The following IGSF5 variants were observed in gnomAD, a reference collection of about 807,000 sequenced individuals.
The protein encoded by IGSF5 is immunoglobulin superfamily 5 like.
Under a neutral mutation model 39.4 loss-of-function variants are expected in IGSF5, and 41 were observed. The ratio of observed to expected loss-of-function variants is 1.04; its 90% CI spans 0.81 to 1.35. IGSF5 has a LOEUF of 1.35. Ranked by LOEUF, IGSF5 falls within the 40% of genes most tolerant of loss-of-function variation. IGSF5 has a pLI of 0.00. For synonymous variants in IGSF5, 183 were observed against 175.3 expected (o/e 1.04, Z -0.34); for missense variants, 487 against 494.6 (o/e 0.98, Z 0.15).
At chr21:39,785,559 T>C (rs2080196374) in intron 5 of IGSF5, among the ~76,000 whole-genome samples, 1 of 152,200 alleles carries the variant, frequency 6.6e-6, no homozygotes, top group African/African-American at 2.4e-5. Context: ...TGGTTCCATA[T>C]GAACTTTAAA....
intron 4 of IGSF5, among the ~76,000 whole-genome samples, chr21:39,778,126 G>T (rs755002932): frequency 6.6e-6 from 1 of 152,258 alleles, no homozygotes; most frequent in Admixed American, 6.5e-5. Context: ...AGCGTGGTGC[G>T]CTAGGGAGAA....
Position 39,763,838 on chromosome 21 carries a change from C to A in IGSF5, c.101-1697C>A, listed in dbSNP as rs139984986. 1.1e-4 allele frequency among the ~76,000 whole-genome samples: 16 copies of A among 152,314 alleles called. No individual in the cohort carries two copies. The East Asian group carries it at 3.1e-3, about 29-fold the overall frequency. ...AGCAATTCAGAGTTCATGGAAAGGG[C>A]ATTGCGGCTTCCCTGGGGGAACTGT... On this transcript the variant is annotated intron_variant, in intron 2 of 8. Transcript: ENST00000380588.
intron 8 of IGSF5, 50 bp from the exon 9 acceptor site, chr21:39,801,212 T>C (rs779736785): frequency 7.3e-7 from 1 of 1,363,066 alleles, no homozygotes; most frequent in South Asian, 1.2e-5. Flanking sequence ...GTTTGCATTT[T>C]ACAGTGATCT....
the IGSF5 span, chr21:39,729,359 G>A: frequency 1.3e-5 from 2 of 152,278 alleles, no homozygotes; most frequent in Non-Finnish European, 2.9e-5. Context: ...TAGATTCAAG[G>A]GGTGAGGTGA....
At chr21:39,784,698 A>C (rs560016821) in intron 5 of IGSF5, among the ~76,000 whole-genome samples, 1 of 143,828 alleles carries the variant, frequency 7.0e-6, no homozygotes, top group Non-Finnish European at 1.5e-5. Flanking sequence ...TTGCCCCACC[A>C]GGTGTGATTC....
chr21:39,792,488 A>G (rs899585763), intron 7 of IGSF5, among the ~76,000 whole-genome samples: 5 of 152,272 alleles, frequency 3.3e-5, no homozygotes, highest in Admixed American at 2.0e-4. Context: ...TGTAACAAAC[A>G]TGCACGTTGT....
intron 8 of IGSF5, among the ~76,000 whole-genome samples, chr21:39,795,385 G>A (rs2086989992): frequency 6.6e-6 from 1 of 152,066 alleles, no homozygotes; most frequent in Admixed American, 6.6e-5. Flanking sequence ...GCACATTTAA[G>A]CCAACCATGA....
At chr21:39,763,369 A>G (rs1316494960) in intron 2 of IGSF5, among the ~76,000 whole-genome samples, 3 of 152,184 alleles carry the variant, frequency 2.0e-5, no homozygotes, top group Non-Finnish European at 4.4e-5. Context: ...GTTGGTGTTT[A>G]GGGTTGGATG....
At chr21:39,758,841 T>G (rs1031282614) in intron 2 of IGSF5, among the ~76,000 whole-genome samples, 4 of 152,204 alleles carry the variant, frequency 2.6e-5, no homozygotes, top group African/African-American at 2.4e-5. Flanking sequence ...GATTATAAAC[T>G]CCTCTTGCAT....
chr21:39,755,563 G>T (rs535075851), intron 2 of IGSF5, among the ~76,000 whole-genome samples: 1 of 150,410 alleles, frequency 6.6e-6, no homozygotes, highest in East Asian at 2.0e-4. Flanking sequence ...CTCCAGACTG[G>T]GTGACAGAGC....
chr21:39,749,884 T>A (rs1015725550), intron 2 of IGSF5, among the ~76,000 whole-genome samples: 2 of 152,200 alleles, frequency 1.3e-5, no homozygotes, highest in Non-Finnish European at 2.9e-5. Flanking sequence ...AGATACACAT[T>A]TGTCTCAGGT....
chr21:39,800,411 A>G (rs2087022081), intron 8 of IGSF5, among the ~76,000 whole-genome samples: 1 of 152,238 alleles, frequency 6.6e-6, no homozygotes. Context: ...CGATGTTTGC[A>G]CAACCCAGCA....
At chr21:39,725,455 T>C in the IGSF5 span, among the ~76,000 whole-genome samples, 47,385 of 152,142 alleles carry the variant, frequency 0.31, 8,285 homozygotes, top group Middle Eastern at 0.54. Context: ...TTATCAGCAT[T>C]TGAAAGCAGC....
chr21:39,746,402 G>A (rs1439077327), intron 2 of IGSF5, 104 bp downstream of exon 2: 1 of 603,850 alleles, frequency 1.7e-6, no homozygotes. Flanking sequence ...CCCATACAAA[G>A]GGAGGGGTCC....
At chr21:39,765,511 C>G (rs781516691) in intron 2 of IGSF5, 24 bp from the exon 3 acceptor site, 7 of 1,599,798 alleles carry the variant, frequency 4.4e-6, no homozygotes, top group Non-Finnish European at 6.0e-6. Context: ...CATTTAACAA[C>G]TTGAAAAATT....
At chr21:39,716,547 G>A in the IGSF5 span, among the ~76,000 whole-genome samples, 1 of 152,032 alleles carries the variant, frequency 6.6e-6, no homozygotes, top group Admixed American at 6.6e-5. Flanking sequence ...CCTTCTTTGT[G>A]TTCGTAAGTT....
upstream of IGSF5, among the ~76,000 whole-genome samples, chr21:39,742,925 T>C (rs1238983446): frequency 6.6e-6 from 1 of 152,206 alleles, no homozygotes; most frequent in African/African-American, 2.4e-5. Flanking sequence ...TGTCTGCAGC[T>C]GACTGAGTGA....
chr21:39,725,021 C>T, the IGSF5 span, among the ~76,000 whole-genome samples: 2 of 152,214 alleles, frequency 1.3e-5, no homozygotes, highest in South Asian at 2.1e-4. Context: ...ACCTATTTGC[C>T]ATCTCATCGT....
rs757572469 is a variant in IGSF5 at position 39,765,689 on chromosome 21, G to A, written c.255G>A (p.Glu85=). 3.7e-6 allele frequency: 6 copies of A among 1,614,108 alleles called. No homozygotes were observed. In the African/African-American group the frequency reaches 4.0e-5, roughly 11 times the overall value. ...TGGTGCTAAGCGTCAGGCCCATGGA[G>A]CCCATCATCACCAATGACCGCTTCA... ...DMVVLSVRPM[E]PIITNDRFTS... Residue 85 remains glutamate (E), a synonymous_variant, in exon 3 of 9, where the codon GAG becomes GAA. Transcript: ENST00000380588.
Sources: gnomAD v4.1 joint callset for allele counts (sites outside exome capture counted in the v4.1 genomes callset) on GRCh38, gnomAD v4.1.1 for gene constraint, MANE v1.5 for transcripts, NCBI Gene and HGNC (gene_info 2026-07-23, HGNC 2026-07-21) for gene names.